DMD: variants seen among roughly 807,000 people sequenced by gnomAD.
DMD encodes mutant dystrophin.
DMD carries 63 observed loss-of-function variants against 330.1 expected under a neutral mutation model. The observed-to-expected ratio is 0.19, with a 90% CI of 0.16 to 0.24. The LOEUF is 0.24. Ranked by LOEUF, DMD falls within the 10% of genes least tolerant of loss-of-function variation. The pLI, the probability that DMD is intolerant of heterozygous loss-of-function variation, is 1.00. For synonymous variants in DMD, 1,223 were observed against 959.8 expected (o/e 1.27, Z -5.07); for missense variants, 3,344 against 2,684.1 (o/e 1.25, Z -5.43).
At chrX:32,018,426 T>G (rs1225975155) in intron 44 of DMD, among the ~76,000 whole-genome samples, 1 of 111,036 alleles carries the variant, frequency 9.0e-6, no homozygotes, top group Non-Finnish European at 1.9e-5. Flanking sequence ...GCGGGGGAGC[T>G]CAAGTCATTT....
chrX:32,314,818 C>T (rs1341599232), intron 41 of DMD, among the ~76,000 whole-genome samples: 5 of 111,728 alleles, frequency 4.5e-5, no homozygotes, highest in Admixed American at 9.5e-5. Context: ...TAGAGAAATG[C>T]AAGTCAAAAC....
At chrX:31,538,005 C>T (rs1813726965) in intron 55 of DMD, among the ~76,000 whole-genome samples, 1 of 112,275 alleles carries the variant, frequency 8.9e-6, no homozygotes, top group Admixed American at 9.4e-5. Flanking sequence ...AATATACCAG[C>T]AAACACAGTG....
At chrX:31,317,269 C>T (rs892708884) in intron 62 of DMD, among the ~76,000 whole-genome samples, 6 of 111,236 alleles carry the variant, frequency 5.4e-5, no homozygotes, top group African/African-American at 9.8e-5. Flanking sequence ...TCAAGTCTTG[C>T]GATGCCTAGC....
At chrX:32,626,722 G>C (rs1458771494) in intron 11 of DMD, among the ~76,000 whole-genome samples, 1 of 104,139 alleles carries the variant, frequency 9.6e-6, no homozygotes, top group Non-Finnish European at 1.9e-5. Flanking sequence ...TAAATGAGCT[G>C]ATGGGTGCAG....
intron 7 of DMD, among the ~76,000 whole-genome samples, chrX:32,735,987 A>G (rs1417141041): frequency 2.7e-5 from 3 of 111,376 alleles, no homozygotes; most frequent in South Asian, 3.7e-4. Context: ...GCAACCTACA[A>G]AATGGGAGAA....
chrX:31,222,660 G>A (rs2046222543), intron 64 of DMD, among the ~76,000 whole-genome samples: 1 of 110,763 alleles, frequency 9.0e-6, no homozygotes, highest in Admixed American at 9.6e-5. Context: ...TGTCTATGAA[G>A]TTTGGTTTAG....
intron 2 of DMD, among the ~76,000 whole-genome samples, chrX:33,017,505 T>C (rs1393968471): frequency 1.1e-5 from 1 of 93,392 alleles, no homozygotes; most frequent in Non-Finnish European, 2.0e-5. Context: ...TTTCATTCTC[T>C]TTTTTCTCTT....
At chrX:32,651,230 C>G (rs998606581) in intron 9 of DMD, among the ~76,000 whole-genome samples, 1 of 109,070 alleles carries the variant, frequency 9.2e-6, no homozygotes. Context: ...GCAGCCTCTC[C>G]CTTCTGGGTT....
intron 44 of DMD, among the ~76,000 whole-genome samples, chrX:32,085,579 T>C (rs73219205): frequency 0.25 from 22,310 of 91,032 alleles, 2,260 homozygotes; most frequent in East Asian, 0.43. Flanking sequence ...TATATATATA[T>C]ACACACACAC....
chrX:32,190,836 T>C (rs969659221), intron 44 of DMD, among the ~76,000 whole-genome samples: 1 of 109,031 alleles, frequency 9.2e-6, no homozygotes, highest in South Asian at 4.0e-4. Flanking sequence ...GGCAAGCACC[T>C]GAAGTATAGA....
At chrX:32,071,695 TACTC>T (rs1045490198) in intron 44 of DMD, among the ~76,000 whole-genome samples, 21 of 110,693 alleles carry the variant, frequency 1.9e-4, no homozygotes, top group African/African-American at 5.6e-4. Flanking sequence ...AAAAAGAACT[TACTC>T]ATGTAACCAA....
intron 1 of DMD, among the ~76,000 whole-genome samples, chrX:33,237,447 G>T (rs1219914299): frequency 1.8e-5 from 2 of 109,952 alleles, no homozygotes; most frequent in East Asian, 5.8e-4. Context: ...GTTTCACCAT[G>T]TTGGTCAGGC....
At chrX:32,638,971 T>G (rs2059271584) in intron 11 of DMD, among the ~76,000 whole-genome samples, 1 of 111,709 alleles carries the variant, frequency 9.0e-6, no homozygotes, top group Admixed American at 9.5e-5. Context: ...GATTCACAAT[T>G]ATTTTCCATA....
chrX:32,931,124 A>G (rs765340570), intron 2 of DMD, among the ~76,000 whole-genome samples: 1 of 109,532 alleles, frequency 9.1e-6, no homozygotes, highest in Admixed American at 9.9e-5. Context: ...ATATGGATTC[A>G]TATAGGTTTG....
chrX:32,967,383 A>G (rs1455977902), intron 2 of DMD, among the ~76,000 whole-genome samples: 3 of 112,167 alleles, frequency 2.7e-5, no homozygotes, highest in East Asian at 2.8e-4. Flanking sequence ...CACAGAGTAC[A>G]TTAATGAGCA....
intron 7 of DMD, among the ~76,000 whole-genome samples, chrX:32,704,107 A>G (rs1373313147): frequency 1.8e-5 from 2 of 111,974 alleles, no homozygotes; most frequent in Non-Finnish European, 3.8e-5. Flanking sequence ...ATACTATGGA[A>G]CAAATAAATC....
chrX:32,783,419 C>G (rs1412048841), intron 7 of DMD, among the ~76,000 whole-genome samples: 1 of 104,651 alleles, frequency 9.6e-6, no homozygotes, highest in African/African-American at 3.5e-5. Flanking sequence ...AGTATGTACC[C>G]ACAAAAATTT....
chrX:31,757,905 C>A (rs965574202), intron 51 of DMD, among the ~76,000 whole-genome samples: 23 of 110,908 alleles, frequency 2.1e-4, no homozygotes, highest in African/African-American at 7.5e-4. Flanking sequence ...TATAAAGATC[C>A]AGTCCCCTTT....
rs1427782445 is a variant in DMD at position 31,711,497 on chromosome X, G to A, written c.7660+18134C>T. Among the ~76,000 whole-genome samples the A allele has an allele frequency of 3.6e-5, 4 of 111,133 alleles. No homozygotes were observed. In the East Asian group the frequency reaches 8.4e-4, roughly 23 times the overall value. ...TATTTTTAGGAAGTCAATCTATACAGCATATTGCAATGTAAAGCATCAAGA... is the reference window on the plus strand; with the variant it reads ...TATTTTTAGGAAGTCAATCTATACAACATATTGCAATGTAAAGCATCAAGA... On this transcript the variant is annotated intron_variant, in intron 52 of 78. Coordinates refer to ENST00000357033, the MANE Select transcript of DMD (RefSeq NM_004006.3).
Sources: gnomAD v4.1 joint callset for allele counts (sites outside exome capture counted in the v4.1 genomes callset) on GRCh38, gnomAD v4.1.1 for gene constraint, MANE v1.5 for transcripts, NCBI Gene and HGNC (gene_info 2026-07-23, HGNC 2026-07-21) for gene names.